The following UBE3C variants were observed in gnomAD, a reference collection of about 807,000 sequenced individuals.
UBE3C encodes ubiquitin protein ligase E3C.
A neutral mutation model predicts 129.4 loss-of-function variants in UBE3C; 42 were observed. The observed-to-expected ratio is 0.32, with a 90% CI of 0.25 to 0.42. The LOEUF (loss-of-function observed/expected upper bound fraction) is 0.42. Ranked by LOEUF, UBE3C falls within the 10% of genes least tolerant of loss-of-function variation. UBE3C has a pLI of 1.00. For synonymous variants in UBE3C, 510 were observed against 492.4 expected, an observed-to-expected ratio of 1.04 and a Z score of -0.47; for missense variants, 1,049 against 1,319.1, an observed-to-expected ratio of 0.80 and a Z score of 3.17.
chr7:157,143,486 C>G (rs1807515869), intron 1 of UBE3C, among the ~76,000 whole-genome samples: 1 of 152,220 alleles, frequency 6.6e-6, no homozygotes, highest in East Asian at 1.9e-4. Context: ...CTCCCTTCTT[C>G]CTGTCTCCTT....
chr7:157,187,732 T>G (rs1466582433), intron 10 of UBE3C, among the ~76,000 whole-genome samples: 1 of 151,540 alleles, frequency 6.6e-6, no homozygotes, highest in Non-Finnish European at 1.5e-5. Context: ...GCCCGCCACC[T>G]CGCCCGGCTA....
intron 22 of UBE3C, among the ~76,000 whole-genome samples, chr7:157,264,220 C>G (rs574321537): frequency 6.8e-6 from 1 of 147,728 alleles, no homozygotes; most frequent in East Asian, 2.0e-4. Context: ...CAGGGGTGCG[C>G]CAACATGCTC....
chr7:157,221,280 C>T (rs956765509), intron 15 of UBE3C: 2 of 153,906 alleles, frequency 1.3e-5, no homozygotes, highest in Non-Finnish European at 2.9e-5. Context: ...GTAAGTTTCA[C>T]TGGGAGTAAG....
chr7:157,147,835 C>T (rs1032472314), intron 1 of UBE3C, among the ~76,000 whole-genome samples: 2 of 152,134 alleles, frequency 1.3e-5, no homozygotes, highest in Non-Finnish European at 2.9e-5. Flanking sequence ...TATGATGGAT[C>T]ACATTAAGTC....
intron 10 of UBE3C, among the ~76,000 whole-genome samples, chr7:157,189,893 A>G (rs1239793593): frequency 6.6e-6 from 1 of 152,048 alleles, no homozygotes. Flanking sequence ...CTCCACCTCC[A>G]GGGTTCAAGC....
At position 157,223,243 on chromosome 7, in the gene UBE3C, ATG is replaced by A; in HGVS notation, c.2003-7_2003-6del. 3 of 1,613,960 alleles carry A rather than the reference ATG, an allele frequency of 1.9e-6. No individual in the cohort carries two copies. In the African/African-American group the frequency reaches 4.0e-5, roughly 22 times the overall value. On this transcript the variant is annotated splice_polypyrimidine_tract_variant and intron_variant, in intron 15 of 22. Transcript: ENST00000348165. ...CAAGTGAACTAATTAAGGTTTTAAA[ATG>A]TGTTTTAGTGGGTTTGGAGTCCCCG...
intron 19 of UBE3C, among the ~76,000 whole-genome samples, chr7:157,253,330 T>C (rs1796665577): frequency 6.6e-6 from 1 of 152,214 alleles, no homozygotes; most frequent in African/African-American, 2.4e-5. Context: ...CTTGTGGTGT[T>C]TATGGGAGCT....
At chr7:157,251,459 C>T (rs989631425) in intron 19 of UBE3C, among the ~76,000 whole-genome samples, 4 of 152,172 alleles carry the variant, frequency 2.6e-5, no homozygotes, top group African/African-American at 9.6e-5. Context: ...ACTTGAGTCA[C>T]GACACCTTGG....
Position 157,187,097 on chromosome 7 carries a change from CTTAAG to C in UBE3C, c.1331+79_1331+83del, listed in dbSNP as rs933730298. ...CTTCCTCCCTGGGAATTGCTCTCCT[CTTAAG>C]TTTTGTCTGCTCTTTTCTGGTAGAG... On this transcript the variant is annotated intron_variant, in intron 10 of 22. Coordinates refer to ENST00000348165, the MANE Select transcript of UBE3C (RefSeq NM_014671.3). 9 of 1,467,708 alleles carry C rather than the reference CTTAAG, an allele frequency of 6.1e-6. No individual in the cohort carries two copies. The African/African-American group carries it at 1.1e-4, about 18-fold the overall frequency. The allele number at this position is 1,467,708 out of a possible 1,614,324, so 90.9% of individuals were successfully genotyped here. A position where few individuals can be genotyped will look rare whatever the true frequency, so the allele number is the denominator to read the frequency against.
intron 8 of UBE3C, 72 bp downstream of exon 8, chr7:157,182,400 C>T (rs1808689989): frequency 1.2e-5 from 17 of 1,458,134 alleles, no homozygotes; most frequent in Non-Finnish European, 1.6e-5. Context: ...AAGAGAAGGC[C>T]ATGCAGTGGC....
intron 21 of UBE3C, among the ~76,000 whole-genome samples, chr7:157,255,586 C>T (rs1420592262): frequency 6.6e-6 from 1 of 152,108 alleles, no homozygotes; most frequent in African/African-American, 2.4e-5. Context: ...AGATTGTCTT[C>T]GGTTGTTTTC....
rs746759084 is a variant in UBE3C at position 157,220,700 on chromosome 7, C to G, written c.1926C>G (p.Leu642=). ...ATTGCCCCCGACAGGTCACTCAGCT[C>G]TATGTGCCAGCATCCAGACATGTGT... is the stretch of plus-strand genomic sequence containing the variant. ...EDIKADKVTQ[L]YVPASRHVWR... The change falls in exon 15 of 23, where the codon CTC becomes CTG. Residue 642 remains leucine (L), a synonymous_variant. Coordinates refer to ENST00000348165, the MANE Select transcript of UBE3C (RefSeq NM_014671.3). The G allele has an allele frequency of 2.5e-5, 41 of 1,614,034 alleles. No individual in the cohort carries two copies. The highest frequency in any genetic ancestry group is 3.1e-5 in the Non-Finnish European group (36 of 1,179,988).
chr7:157,139,854 C>A (rs963404658), intron 1 of UBE3C: 9 of 317,764 alleles, frequency 2.8e-5, no homozygotes, highest in Non-Finnish European at 4.1e-5. Context: ...GTGAACGGCA[C>A]GCATTTGCTG....
intron 19 of UBE3C, among the ~76,000 whole-genome samples, chr7:157,252,778 G>A (rs988602316): frequency 6.6e-6 from 1 of 152,216 alleles, no homozygotes; most frequent in Non-Finnish European, 1.5e-5. Context: ...GAAAAGAAAA[G>A]AATGGAAAGG....
chr7:157,185,702 A>G (rs564707701), intron 9 of UBE3C, among the ~76,000 whole-genome samples: 47 of 152,300 alleles, frequency 3.1e-4, no homozygotes, highest in African/African-American at 9.9e-4. Context: ...AGGTTTCTGT[A>G]TAATCTGTTC....
Position 157,177,468 on chromosome 7 carries a change from G to A in UBE3C, c.459-1222G>A, listed in dbSNP as rs544534963. 1.2e-4 allele frequency among the ~76,000 whole-genome samples: 18 copies of A among 152,288 alleles called. No homozygotes were observed. In the South Asian group the frequency reaches 3.7e-3, roughly 32 times the overall value. ...GCACTTCTCTCTGTTGCATTATCAG[G>A]TTTACCTCTCACATGGGATTATCAG... On this transcript the variant is annotated intron_variant, in intron 5 of 22. Coordinates refer to ENST00000348165, the MANE Select transcript of UBE3C (RefSeq NM_014671.3).
At chr7:157,155,775 T>C (rs1393797650) in intron 1 of UBE3C, among the ~76,000 whole-genome samples, 1 of 152,198 alleles carries the variant, frequency 6.6e-6, no homozygotes. Context: ...TCAGAGAAGA[T>C]AACGATAGTA....
chr7:157,198,425 G>C, intron 10 of UBE3C: 1 of 617,552 alleles, frequency 1.6e-6, no homozygotes. Context: ...TTCACATTAA[G>C]TTCTGCAAAT....
intron 22 of UBE3C, among the ~76,000 whole-genome samples, chr7:157,259,539 T>C (rs1354154341): frequency 6.6e-6 from 1 of 152,314 alleles, no homozygotes; most frequent in East Asian, 1.9e-4. Flanking sequence ...TTAAGAGATA[T>C]TTAGAATTTA....
Sources: gnomAD v4.1 joint callset for allele counts (sites outside exome capture counted in the v4.1 genomes callset) on GRCh38, gnomAD v4.1.1 for gene constraint, MANE v1.5 for transcripts, NCBI Gene and HGNC (gene_info 2026-07-23, HGNC 2026-07-21) for gene names.